MARCHF1: variants seen among roughly 807,000 people sequenced by gnomAD.
MARCHF1 encodes the protein membrane associated ring-CH-type finger 1.
A neutral mutation model predicts 54.2 loss-of-function variants in MARCHF1; 40 were observed. That is an observed-to-expected ratio of 0.74 (90% CI 0.57 to 0.96). MARCHF1 has a LOEUF of 0.96. Among genes scored for constraint, MARCHF1 ranks in the 40% least tolerant of loss-of-function variants. The pLI is 0.00. For synonymous variants in MARCHF1, 236 were observed against 236.3 expected (o/e 1.00, Z 0.01); for missense variants, 586 against 656.5 (o/e 0.89, Z 1.17).
intron 1 of MARCHF1, among the ~76,000 whole-genome samples, chr4:164,178,947 A>G (rs1373754320): frequency 6.6e-6 from 1 of 152,104 alleles, no homozygotes; most frequent in Non-Finnish European, 1.5e-5. Flanking sequence ...CCCTAGAACC[A>G]CCCCAACCCC....
At chr4:164,059,382 C>T (rs13130053) in intron 2 of MARCHF1, among the ~76,000 whole-genome samples, 6,953 of 152,190 alleles carry the variant, frequency 0.046, 216 homozygotes, top group Middle Eastern at 0.14. Context: ...TGCTTCAAGA[C>T]AAGGCTTTTT....
chr4:164,109,338 A>G (rs746341787), intron 2 of MARCHF1, among the ~76,000 whole-genome samples: 2 of 152,022 alleles, frequency 1.3e-5, no homozygotes, highest in Non-Finnish European at 2.9e-5. Flanking sequence ...TGCTATCTTC[A>G]GTTATTCCTG....
At chr4:163,963,702 G>C (rs1378844529) in intron 3 of MARCHF1, among the ~76,000 whole-genome samples, 1 of 151,856 alleles carries the variant, frequency 6.6e-6, no homozygotes, top group African/African-American at 2.4e-5. Flanking sequence ...GCTAATTCCA[G>C]GTCTTTCAGA....
At chr4:164,134,104 T>C (rs998626020) in intron 1 of MARCHF1, among the ~76,000 whole-genome samples, 22 of 152,218 alleles carry the variant, frequency 1.4e-4, no homozygotes, top group African/African-American at 5.1e-4. Context: ...GGTGCCATTA[T>C]ATATTTTTTA....
intron 3 of MARCHF1, among the ~76,000 whole-genome samples, chr4:163,858,608 T>C (rs1353107965): frequency 6.6e-6 from 1 of 152,230 alleles, no homozygotes; most frequent in Non-Finnish European, 1.5e-5. Flanking sequence ...TCTCAACTAT[T>C]AGCCCATCAC....
intron 1 of MARCHF1, among the ~76,000 whole-genome samples, chr4:164,280,031 T>G (rs748517437): frequency 6.6e-6 from 1 of 151,848 alleles, no homozygotes; most frequent in South Asian, 2.1e-4. Flanking sequence ...AAGGGTAGAA[T>G]TATATATTTT....
At chr4:163,886,304 CATAGATAGATAGATAG>C (rs10560054) in intron 3 of MARCHF1, among the ~76,000 whole-genome samples, 1,961 of 145,178 alleles carry the variant, frequency 0.014, 43 homozygotes, top group African/African-American at 0.046. Flanking sequence ...TCTTAATAGA[CATAGATAGATAGATAG>C]ATAGATAGAT....
chr4:163,591,599 A>C (rs145435648), intron 7 of MARCHF1, among the ~76,000 whole-genome samples: 6 of 152,294 alleles, frequency 3.9e-5, no homozygotes, highest in African/African-American at 7.2e-5. Flanking sequence ...GTCAGGCTAA[A>C]GATGGCAAAG....
At chr4:164,165,075 C>T (rs577738222) in intron 1 of MARCHF1, among the ~76,000 whole-genome samples, 52 of 152,064 alleles carry the variant, frequency 3.4e-4, no homozygotes, top group African/African-American at 1.0e-3. Flanking sequence ...GTTTAAAGAG[C>T]GCATGTCAGA....
intron 4 of MARCHF1, among the ~76,000 whole-genome samples, chr4:163,798,383 A>C (rs1282095500): frequency 6.6e-6 from 1 of 152,186 alleles, no homozygotes; most frequent in Non-Finnish European, 1.5e-5. Flanking sequence ...ATTTTTGTTT[A>C]AGCTACCCAA....
At chr4:164,144,571 A>G (rs1414274961) in intron 1 of MARCHF1, among the ~76,000 whole-genome samples, 1 of 151,702 alleles carries the variant, frequency 6.6e-6, no homozygotes, top group Non-Finnish European at 1.5e-5. Flanking sequence ...CTGAATGACT[A>G]CTGGGTACAT....
intron 9 of MARCHF1, among the ~76,000 whole-genome samples, chr4:163,534,117 C>T (rs890135804): frequency 2.0e-5 from 3 of 151,976 alleles, no homozygotes; most frequent in East Asian, 3.9e-4. Context: ...TAGAGTGCCG[C>T]GCTCTTTACA....
rs959412184 is a variant in MARCHF1, at chr4:163,613,031, T to C, written c.250A>G (p.Ile84Val). ...PSTQDICRSA[I>V]LHDMSEESFE... ...GACTCTTCTGACATGTCATGCAAGA[T>C]GGCAGATCTAGACAGAGCAGCAGGC... The change falls in exon 7 of 10, where the codon ATC (isoleucine) becomes GTC (valine). Residue 84 changes from isoleucine to valine, a missense_variant. Ile to Val is a conservative substitution (Grantham distance 29). Around this residue, in one of 3 missense-constraint regions of MARCHF1, gnomAD observed 387 missense variants for 394.6 expected, o/e 0.98. Coordinates refer to ENST00000514618, the MANE Select transcript of MARCHF1 (RefSeq NM_001394959.1). 31 of 1,500,894 alleles carry C rather than the reference T, an allele frequency of 2.1e-5. No homozygotes were observed. The highest frequency in any genetic ancestry group is 1.7e-4 in the Middle Eastern group (1 of 5,786). 93.0% of individuals were successfully genotyped at this position (1,500,894 alleles called of 1,614,324 possible).
At chr4:163,621,530 T>G (rs1054209925) in intron 5 of MARCHF1, among the ~76,000 whole-genome samples, 1 of 152,208 alleles carries the variant, frequency 6.6e-6, no homozygotes, top group Non-Finnish European at 1.5e-5. Context: ...AGAATATTTG[T>G]GAAAGCTTGA....
intron 1 of MARCHF1, among the ~76,000 whole-genome samples, chr4:164,325,010 A>G (rs1372392006): frequency 6.6e-6 from 1 of 152,020 alleles, no homozygotes; most frequent in East Asian, 1.9e-4. Context: ...AAAGGAAAAA[A>G]AGAATATCGA....
chr4:163,664,677 A>T, intron 5 of MARCHF1, among the ~76,000 whole-genome samples: 1 of 152,204 alleles, frequency 6.6e-6, no homozygotes. Context: ...TGGACACATT[A>T]TATATAGGGC....
intron 1 of MARCHF1, among the ~76,000 whole-genome samples, chr4:164,299,439 G>C (rs954842770): frequency 6.6e-6 from 1 of 152,148 alleles, no homozygotes; most frequent in Non-Finnish European, 1.5e-5. Flanking sequence ...GATGGAAATT[G>C]AGAGATTGCC....
At position 164,288,981 on chromosome 4, in the gene MARCHF1, A is replaced by G. The variant is rs371329406; in HGVS notation, c.-323+94889T>C. ...GGTCTAATTATAGTTGCTAGAATTG[A>G]CTATGTAAAAAATCCTTCAATCTTG... On this transcript the variant is annotated intron_variant, in intron 1 of 9. Coordinates refer to ENST00000514618, the MANE Select transcript of MARCHF1 (RefSeq NM_001394959.1). 5.9e-5 allele frequency among the ~76,000 whole-genome samples: 9 copies of G among 152,218 alleles called. No individual in the cohort carries two copies. The South Asian group carries it at 8.3e-4, about 14-fold the overall frequency.
chr4:163,544,852 C>T (rs190924122), intron 9 of MARCHF1, among the ~76,000 whole-genome samples: 137 of 152,134 alleles, frequency 9.0e-4, no homozygotes, highest in African/African-American at 3.2e-3. Context: ...CTGTTTCCTG[C>T]GGGAGTGTGG....
Sources: allele counts gnomAD v4.1 joint callset (sites outside exome capture counted in the v4.1 genomes callset), GRCh38; gene constraint gnomAD v4.1.1; regional missense constraint gnomAD v4.1.1; transcripts MANE v1.5; gene names NCBI Gene and HGNC (gene_info 2026-07-23, HGNC 2026-07-21).